Variants in SMARCC1 observed in about 807,000 individuals in gnomAD.
SMARCC1 encodes SWI/SNF complex subunit SMARCC1.
Under a neutral mutation model 147.4 loss-of-function variants are expected in SMARCC1, and 43 were observed. That is an observed-to-expected ratio of 0.29 (90% confidence interval 0.23 to 0.38). The LOEUF (loss-of-function observed/expected upper bound fraction) is 0.38. Among genes scored for constraint, SMARCC1 ranks in the 10% least tolerant of loss-of-function variants. The pLI is 1.00. For synonymous variants in SMARCC1, 495 were observed against 484.4 expected (o/e 1.02, Z -0.29); for missense variants, 1,119 against 1,381.1 (o/e 0.81, Z 3.01).
At position 47,668,778 on chromosome 3, in the gene SMARCC1, G is replaced by A. The variant is rs900685350; in HGVS notation, c.1899+1880C>T. On this transcript the variant is annotated intron_variant, in intron 19 of 27. Transcript: ENST00000254480. ...TGCACACCTGTAGTCCCAGCTACTC[G>A]AGAGGCTGAGCTGGGAGGATCGCCT... 5.9e-5 allele frequency among the ~76,000 whole-genome samples: 9 copies of A among 151,970 alleles called. No homozygotes were observed. In the South Asian group the frequency reaches 8.3e-4, roughly 14 times the overall value.
rs1576414542 is a variant in SMARCC1 at position 47,697,309 on chromosome 3, T to TC, written c.1165+3968_1165+3969insG. On this transcript the variant is annotated intron_variant, in intron 11 of 27. Coordinates refer to ENST00000254480, the MANE Select transcript of SMARCC1 (RefSeq NM_003074.4). ...AAGAGCGAGAGATCCTGACTTTTTTTTTTTTTTTTTAGATGGAGTCTGGCT... is the reference window on the plus strand; with the variant it reads ...AAGAGCGAGAGATCCTGACTTTTTTTCTTTTTTTTTTAGATGGAGTCTGGCT... Among the ~76,000 whole-genome samples, 4 of 151,230 alleles carry TC rather than the reference T, an allele frequency of 2.6e-5. 1 individual carries two copies. The East Asian group carries it at 7.8e-4, about 29-fold the overall frequency.
chr3:47,776,480 T>C (rs2034976632), intron 1 of SMARCC1, among the ~76,000 whole-genome samples: 1 of 152,076 alleles, frequency 6.6e-6, no homozygotes, highest in Non-Finnish European at 1.5e-5. Context: ...GGCACACACC[T>C]GTAATTCCAG....
chr3:47,769,535 C>A (rs575941461), intron 2 of SMARCC1, among the ~76,000 whole-genome samples: 79 of 152,042 alleles, frequency 5.2e-4, no homozygotes, highest in African/African-American at 1.8e-3. Context: ...CCAACCATAA[C>A]ACTTTTATGT....
Position 47,636,102 on chromosome 3 carries a change from C to A in SMARCC1, c.2411G>T (p.Gly804Val), listed in dbSNP as rs781437648. 2 of 1,608,392 alleles carry A rather than the reference C, an allele frequency of 1.2e-6. No homozygotes were observed. The highest frequency in any genetic ancestry group is 1.7e-6 in the Non-Finnish European group (2 of 1,175,742). ...ENKVENETDE[G>V]DKAQDGENEK... ...ATTTTCTCCATCTTGTGCTTTATCA[C>A]CTTCATCCGTTTCATTTTCCACTTT... Residue 804 changes from glycine to valine, a missense_variant, in exon 23 of 28, where the codon GGT becomes GTT. Coordinates refer to ENST00000254480, the MANE Select transcript of SMARCC1 (RefSeq NM_003074.4).
At chr3:47,638,428 T>C (rs1308418274) in intron 22 of SMARCC1, among the ~76,000 whole-genome samples, 1 of 152,190 alleles carries the variant, frequency 6.6e-6, no homozygotes, top group East Asian at 1.9e-4. Context: ...TCCCAACTTG[T>C]GTATTCATAT....
intron 25 of SMARCC1, among the ~76,000 whole-genome samples, chr3:47,615,347 G>T (rs146022402): frequency 3.3e-5 from 5 of 152,286 alleles, no homozygotes; most frequent in Admixed American, 6.5e-5. Context: ...TTTGGCAAAT[G>T]AACAAATAAA....
chr3:47,767,897 A>G (rs2034860518), intron 2 of SMARCC1, among the ~76,000 whole-genome samples: 1 of 151,040 alleles, frequency 6.6e-6, no homozygotes, highest in Admixed American at 6.6e-5. Flanking sequence ...TTTTTAAGAC[A>G]GAGTCTCAGC....
intron 24 of SMARCC1, among the ~76,000 whole-genome samples, chr3:47,627,102 T>C (rs544193257): frequency 4.6e-5 from 7 of 152,350 alleles, no homozygotes; most frequent in Admixed American, 1.3e-4. Flanking sequence ...ATTTTGCTAT[T>C]GTAAAATAAT....
At chr3:47,677,515 G>A (rs2106757435) in intron 16 of SMARCC1, among the ~76,000 whole-genome samples, 1 of 150,986 alleles carries the variant, frequency 6.6e-6, no homozygotes, top group African/African-American at 2.4e-5. Flanking sequence ...TTTAAAATGT[G>A]AACTGTAAAA....
intron 19 of SMARCC1, among the ~76,000 whole-genome samples, chr3:47,668,714 C>T (rs944889602): frequency 2.6e-5 from 4 of 152,078 alleles, no homozygotes; most frequent in Non-Finnish European, 5.9e-5. Flanking sequence ...GAAACCCCAT[C>T]TCTATTAAAA....
intron 18 of SMARCC1, among the ~76,000 whole-genome samples, chr3:47,672,122 C>T (rs6442075): frequency 0.91 from 139,109 of 152,252 alleles, 64,846 homozygotes; most frequent in East Asian, 1. Flanking sequence ...CATTGCAGAA[C>T]TAAGAATTAA....
At chr3:47,733,084 C>T (rs776957392) in intron 5 of SMARCC1, among the ~76,000 whole-genome samples, 3 of 151,666 alleles carry the variant, frequency 2.0e-5, no homozygotes, top group African/African-American at 4.8e-5. Context: ...TCCAGCTGGG[C>T]GACAGAGAAA....
chr3:47,620,020 TTC>T (rs1351502397), intron 25 of SMARCC1, among the ~76,000 whole-genome samples: 2 of 152,224 alleles, frequency 1.3e-5, no homozygotes, highest in African/African-American at 4.8e-5. Flanking sequence ...CTGGAATAAT[TTC>T]TTTTTAAAGT....
chr3:47,716,437 A>C (rs889454274), intron 7 of SMARCC1, among the ~76,000 whole-genome samples: 1 of 151,230 alleles, frequency 6.6e-6, no homozygotes, highest in South Asian at 2.1e-4. Context: ...AAAAAAAAAA[A>C]AACCCAACCT....
intron 26 of SMARCC1, among the ~76,000 whole-genome samples, chr3:47,606,877 CTTTT>C (rs34081063): frequency 2.2e-5 from 3 of 135,862 alleles, no homozygotes; most frequent in Non-Finnish European, 3.2e-5. Flanking sequence ...CACCTGGCTA[CTTTT>C]TTTTTTTTTT....
chr3:47,680,306 G>C, intron 15 of SMARCC1, 131 bp downstream of exon 15: 1 of 716,594 alleles, frequency 1.4e-6, no homozygotes, highest in Non-Finnish European at 2.5e-6. Flanking sequence ...ATGCAAATGA[G>C]ATATGAACAC....
At chr3:47,743,711 G>A (rs148912707) in intron 3 of SMARCC1, among the ~76,000 whole-genome samples, 2 of 151,862 alleles carry the variant, frequency 1.3e-5, no homozygotes, top group Non-Finnish European at 1.5e-5. Flanking sequence ...TACTCAGGAG[G>A]GTGAGGCAGG....
chr3:47,679,956 ACT>A (rs1461615853), intron 15 of SMARCC1, among the ~76,000 whole-genome samples: 1 of 152,050 alleles, frequency 6.6e-6, no homozygotes, highest in Admixed American at 6.6e-5. Flanking sequence ...CCAAACTTTA[ACT>A]CTAAGAGTTG....
At chr3:47,607,695 A>T (rs1422711148) in intron 26 of SMARCC1, among the ~76,000 whole-genome samples, 1 of 152,250 alleles carries the variant, frequency 6.6e-6, no homozygotes, top group Non-Finnish European at 1.5e-5. Context: ...GTTAAAATTT[A>T]GTAAACAATA....
Sources: allele counts gnomAD v4.1 joint callset (sites outside exome capture counted in the v4.1 genomes callset), GRCh38; gene constraint gnomAD v4.1.1; transcripts MANE v1.5; gene names NCBI Gene and HGNC (gene_info 2026-07-23, HGNC 2026-07-21).